Variants in MPP2 observed in about 807,000 individuals in gnomAD.
MPP2 encodes MAGUK p55 scaffold protein 2.
Under a neutral mutation model 58.5 loss-of-function variants are expected in MPP2, and 42 were observed. The observed-to-expected ratio is 0.72, with a 90% CI of 0.56 to 0.93. The LOEUF is 0.93. MPP2 is among the 40% of genes least tolerant of loss of function. The probability of loss-of-function intolerance (pLI) is 0.00; values close to 1 mark genes in which losing one functional copy is unlikely to be tolerated. For missense variants in MPP2, 632 were observed against 760.4 expected, an observed-to-expected ratio of 0.83 and a Z score of 1.99; for synonymous variants, 300 against 307.8, an observed-to-expected ratio of 0.97 and a Z score of 0.26.
chr17:43,888,931 A>T (rs1390386038), intron 3 of MPP2, among the ~76,000 whole-genome samples: 1 of 147,360 alleles, frequency 6.8e-6, no homozygotes, highest in Non-Finnish European at 1.5e-5. Flanking sequence ...TGAACAAATA[A>T]TTTTTTTTTT....
rs1472655346 is a variant in MPP2 at position 43,879,456 on chromosome 17, A to G, written c.1354-53T>C. Reference sequence around the variant, plus strand: ...GTATATCCCCATGTCTGTCCTAGGAACCAGAGAAAGGCTGTGAGGGTAACT... The same window carrying G: ...GTATATCCCCATGTCTGTCCTAGGAGCCAGAGAAAGGCTGTGAGGGTAACT... On this transcript the variant is annotated intron_variant, in intron 11 of 12. Transcript: ENST00000269095. The surrounding 1 kb of genome is among the most constrained non-coding windows in gnomAD (Gnocchi z 4.1). 1 of 1,604,272 alleles carries G rather than the reference A, an allele frequency of 6.2e-7. No individual in the cohort carries two copies. Among genetic ancestry groups the G allele is most frequent in the African/African-American group, 1.3e-5 (1 of 74,788 alleles).
chr17:43,883,017 C>T lies in MPP2; in HGVS notation c.339G>A (p.Lys113=), dbSNP rs2047208707. The T allele has an allele frequency of 6.2e-7, 1 of 1,613,852 alleles. No individual in the cohort carries two copies. The highest frequency in any genetic ancestry group is 8.5e-7 in the Non-Finnish European group (1 of 1,179,932). The change falls in exon 5 of 13, where the codon AAG becomes AAA. Residue 113 remains lysine, a synonymous_variant. Transcript: ENST00000269095. ...GGCTGGGGGGTGGTGTCTCATAGGTCTTTGAGGCCACAGAGTCGTGCGTCT... is the reference window on the plus strand; with the variant it reads ...GGCTGGGGGGTGGTGTCTCATAGGTTTTTGAGGCCACAGAGTCGTGCGTCT... ...LLETHDSVAS[K]TYETPPPSPG...
chr17:43,878,406 G>C (rs1567871347), intron 12 of MPP2, among the ~76,000 whole-genome samples: 1 of 152,180 alleles, frequency 6.6e-6, no homozygotes, highest in Non-Finnish European at 1.5e-5. Flanking sequence ...CAGCTAGACA[G>C]GCTGGTACCA....
chr17:43,909,140 C>T (rs1163877896), upstream of MPP2, among the ~76,000 whole-genome samples: 2 of 152,088 alleles, frequency 1.3e-5, no homozygotes, highest in Non-Finnish European at 2.9e-5. Context: ...GATCTCGGCT[C>T]GTCGCAACCT....
chr17:43,904,625 G>T, intron 1 of MPP2, 132 bp from the exon 2 acceptor site: 1 of 662,128 alleles, frequency 1.5e-6, no homozygotes, highest in Non-Finnish European at 2.6e-6. Context: ...GGGGGTTGGA[G>T]AACAACAATG....
chr17:43,889,334 C>A (rs927305864), intron 3 of MPP2, among the ~76,000 whole-genome samples: 1 of 151,956 alleles, frequency 6.6e-6, no homozygotes, highest in Non-Finnish European at 1.5e-5. Context: ...GCCCCACTCA[C>A]CCTTCCCACT....
At chr17:43,891,002 T>G (rs1253558482) in intron 3 of MPP2, among the ~76,000 whole-genome samples, 1 of 152,202 alleles carries the variant, frequency 6.6e-6, no homozygotes, top group African/African-American at 2.4e-5. Flanking sequence ...GCACGATGGT[T>G]TGTTACACAG....
At chr17:43,907,831 T>C (rs3809746), upstream of MPP2, 36 of 985,426 alleles carry the variant, frequency 3.7e-5, no homozygotes, top group East Asian at 3.1e-3. Flanking sequence ...TAAAAGTGCC[T>C]AATGAGACCG....
intron 3 of MPP2, among the ~76,000 whole-genome samples, chr17:43,894,186 A>C (rs1250434507): frequency 6.6e-6 from 1 of 151,682 alleles, no homozygotes; most frequent in Non-Finnish European, 1.5e-5. Context: ...TGGGAGGCCA[A>C]GGCAGGCGGA....
chr17:43,879,135 G>A lies in MPP2; in HGVS notation c.1482+140C>T. On this transcript the variant is annotated intron_variant, in intron 12 of 12. Coordinates refer to ENST00000269095, the MANE Select transcript of MPP2 (RefSeq NM_005374.5). The surrounding 1 kb of genome is among the most constrained non-coding windows in gnomAD (Gnocchi z 4.1). ...TCCCCTTCCACATCTATGCAGGGGGGACCACGTCCTGCCTCACTGATAACT... is the reference window on the plus strand; with the variant it reads ...TCCCCTTCCACATCTATGCAGGGGGAACCACGTCCTGCCTCACTGATAACT... The A allele has an allele frequency of 1.9e-6, 2 of 1,065,744 alleles. No homozygotes were observed. Among genetic ancestry groups the A allele is most frequent in the Non-Finnish European group, 2.7e-6 (2 of 730,252 alleles). The allele number at this position is 1,065,744 out of a possible 1,614,324, so 66.0% of individuals were successfully genotyped here.
chr17:43,887,030 G>C (rs1423918555), intron 3 of MPP2, among the ~76,000 whole-genome samples: 3 of 142,750 alleles, frequency 2.1e-5, no homozygotes, highest in African/African-American at 7.9e-5. Flanking sequence ...TTTTGACTCT[G>C]CTTGTGGTGT....
At chr17:43,906,015 C>CA in intron 1 of MPP2, 13 of 851,494 alleles carry the variant, frequency 1.5e-5, no homozygotes, top group Non-Finnish European at 1.8e-5. Flanking sequence ...CCCCTGGTGC[C>CA]AATCTCTACT....
intron 3 of MPP2, among the ~76,000 whole-genome samples, chr17:43,894,507 C>G (rs1269141410): frequency 1.4e-5 from 2 of 141,264 alleles, no homozygotes; most frequent in African/African-American, 2.6e-5. Context: ...GTCCCAGCTA[C>G]TCGGGAGGCT....
chr17:43,909,226 C>T (rs571058652), upstream of MPP2, among the ~76,000 whole-genome samples: 1 of 152,212 alleles, frequency 6.6e-6, no homozygotes, highest in South Asian at 2.1e-4. Context: ...GCCACCATGC[C>T]TGGCTAATTT....
In MPP2 at chr17:43,880,994, C is replaced by A. The variant is rs907588705; in HGVS notation, c.988+96G>T. The A allele has an allele frequency of 1.9e-6, 3 of 1,538,790 alleles. No homozygotes were observed. Among genetic ancestry groups the A allele is most frequent in the Non-Finnish European group, 2.7e-6 (3 of 1,119,048 alleles). Reference sequence around the variant, plus strand: ...GGCCTAGGGACACGGCTGGCAGCATCTGAGCCAGGCACACGTCGTCACAGG... The same window carrying A: ...GGCCTAGGGACACGGCTGGCAGCATATGAGCCAGGCACACGTCGTCACAGG... On this transcript the variant is annotated intron_variant, in intron 9 of 12. Transcript: ENST00000269095. The surrounding 1 kb of genome is among the most constrained non-coding windows in gnomAD (Gnocchi z 5.2).
Position 43,877,781 on chromosome 17 carries a change from G to C in MPP2, c.*26C>G, listed in dbSNP as rs765397685. ...TTCAGGTTCTGGGTTTCAACACAGA[G>C]TGAGCCAAAGACCAGGTGAACAGGC... On this transcript the variant is annotated 3_prime_UTR_variant, in exon 13 of 13. Coordinates refer to ENST00000269095, the MANE Select transcript of MPP2 (RefSeq NM_005374.5). The C allele has an allele frequency of 6.3e-7, 1 of 1,598,550 alleles. No homozygotes were observed. Among genetic ancestry groups the C allele is most frequent in the Admixed American group, 1.7e-5 (1 of 59,722 alleles).
At chr17:43,889,805 G>A (rs963435242) in intron 3 of MPP2, among the ~76,000 whole-genome samples, 7 of 37,920 alleles carry the variant, frequency 1.8e-4, no homozygotes, top group Non-Finnish European at 3.1e-4. Context: ...GTCCAAATGC[G>A]TTTTTTTTTT....
rs1343640772 is a variant in MPP2 at position 43,876,747 on chromosome 17, C to A, written c.*1060G>T. The stretch of plus-strand genomic sequence containing the variant: ...CACGTGGAACCACAGGTTGTACAGA[C>A]TACAGTGTAAATGGCGCCTCTGGAG... On this transcript the variant is annotated 3_prime_UTR_variant, in exon 13 of 13. Transcript: ENST00000269095. 2.0e-5 allele frequency: 3 copies of A among 152,344 alleles called. No homozygotes were observed. Among genetic ancestry groups the A allele is most frequent in the Non-Finnish European group, 2.9e-5 (2 of 68,114 alleles). 9.4% of individuals were successfully genotyped at this position (152,344 alleles called of 1,614,324 possible).
chr17:43,899,024 T>C (rs961326805), intron 2 of MPP2, among the ~76,000 whole-genome samples: 6 of 151,436 alleles, frequency 4.0e-5, no homozygotes, highest in Admixed American at 6.6e-5. Context: ...AGCGGGTGGA[T>C]TGCCTGAGGT....
Sources: gnomAD v4.1 joint callset for allele counts (sites outside exome capture counted in the v4.1 genomes callset) on GRCh38, gnomAD v4.1.1 for gene constraint, Gnocchi (gnomAD v3.1) non-coding constraint, MANE v1.5 for transcripts, NCBI Gene and HGNC (gene_info 2026-07-23, HGNC 2026-07-21) for gene names.